RLF: variants seen among roughly 807,000 people sequenced by gnomAD.
The protein encoded by RLF is RLF zinc finger.
RLF carries 7 observed loss-of-function variants against 162.9 expected under a neutral mutation model. That is an observed-to-expected ratio of 0.04 (90% CI 0.02 to 0.08). RLF has a LOEUF of 0.08. Among genes scored for constraint, RLF ranks in the 10% least tolerant of loss-of-function variants. The pLI is 1.00. For synonymous variants in RLF, 782 were observed against 791.5 expected, an observed-to-expected ratio of 0.99 and a Z score of 0.20; for missense variants, 1,664 against 2,244.7, an observed-to-expected ratio of 0.74 and a Z score of 5.23.
chr1:40,238,390 G>C lies in RLF; in HGVS notation c.3688G>C (p.Glu1230Gln). The C allele has an allele frequency of 6.2e-7, 1 of 1,614,192 alleles. No individual in the cohort carries two copies. Among genetic ancestry groups the C allele is most frequent in the Non-Finnish European group, 8.5e-7 (1 of 1,180,024 alleles). The stretch of plus-strand genomic sequence containing the variant: ...TAGGTTGAAAGGTGATTGTTCTGCA[G>C]AACTTGGAGGTGATCCCAGTAGTAA... ...VDRLKGDCSA[E>Q]LGGDPSSNSE... Residue 1230 changes from glutamate (E) to glutamine (Q), a missense_variant, in exon 8 of 8, where the codon GAA (glutamate) becomes CAA (glutamine). Physicochemically the swap from Glu to Gln is conservative, Grantham distance 29 (BLOSUM62 2). Around this residue, in one of 15 missense-constraint regions of RLF, gnomAD observed 102 missense variants for 109.5 expected, o/e 0.93. Coordinates refer to ENST00000372771, the MANE Select transcript of RLF (RefSeq NM_012421.4). This position sits in a 1 kb window ranked among gnomAD's most constrained non-coding sequence, Gnocchi z 5.2.
chr1:40,207,818 C>G (rs1642817005), intron 5 of RLF, among the ~76,000 whole-genome samples: 1 of 152,112 alleles, frequency 6.6e-6, no homozygotes, highest in African/African-American at 2.4e-5. Flanking sequence ...GCCACGTTGC[C>G]CAGGCTGGTC....
intron 1 of RLF, among the ~76,000 whole-genome samples, chr1:40,167,038 A>G (rs190279640): frequency 6.6e-6 from 1 of 152,172 alleles, no homozygotes; most frequent in South Asian, 2.1e-4. Flanking sequence ...AAGGAACAGG[A>G]TAGGAGCTTT....
At chr1:40,197,518 CTT>C in intron 4 of RLF, among the ~76,000 whole-genome samples, 1 of 152,172 alleles carries the variant, frequency 6.6e-6, no homozygotes, top group African/African-American at 2.4e-5. Context: ...GTTAAACATC[CTT>C]AGTGTATTTT....
Position 40,240,492 on chromosome 1 carries a change from A to G in RLF, c.*45A>G. On this transcript the variant is annotated 3_prime_UTR_variant, in exon 8 of 8. Coordinates refer to ENST00000372771, the MANE Select transcript of RLF (RefSeq NM_012421.4). ...AACAGACTGGCTCCAACACTGCAACATGGGGACATTTGCCAACTCGAACAA... is the reference window on the plus strand; with the variant it reads ...AACAGACTGGCTCCAACACTGCAACGTGGGGACATTTGCCAACTCGAACAA... The G allele has an allele frequency of 7.2e-7, 1 of 1,392,230 alleles. No homozygotes were observed. Among genetic ancestry groups the G allele is most frequent in the East Asian group, 2.3e-5 (1 of 43,770 alleles). 86.2% of individuals were successfully genotyped at this position (1,392,230 alleles called of 1,614,324 possible). A position where few individuals can be genotyped will look rare whatever the true frequency, so the allele number is the denominator to read the frequency against.
chr1:40,163,568 G>T (rs1642125562), intron 1 of RLF, among the ~76,000 whole-genome samples: 1 of 152,138 alleles, frequency 6.6e-6, no homozygotes, highest in African/African-American at 2.4e-5. Flanking sequence ...ATTTTTAAAA[G>T]AAAGCATGTG....
chr1:40,192,259 G>A (rs1642569622), intron 3 of RLF, among the ~76,000 whole-genome samples: 1 of 152,064 alleles, frequency 6.6e-6, no homozygotes, highest in South Asian at 2.1e-4. Flanking sequence ...TTTTGTTCTG[G>A]CATATGGCAT....
intron 5 of RLF, among the ~76,000 whole-genome samples, chr1:40,219,956 A>G: frequency 6.6e-6 from 1 of 152,224 alleles, no homozygotes; most frequent in South Asian, 2.1e-4. Flanking sequence ...ATAGAAAAAC[A>G]GAAGTACTGG....
Position 40,238,778 on chromosome 1 carries a change from A to G in RLF, c.4076A>G (p.Lys1359Arg), listed in dbSNP as rs1643250480. The stretch of plus-strand genomic sequence containing the variant: ...ACCAAAAGGGAACTTGTCAAATGTA[A>G]AAAGATATTTGCTTGCAAATATAAG... ...ARTKRELVKCKKIFACKYKEC... is the reference protein window; with the variant it reads ...ARTKRELVKCRKIFACKYKEC... The change falls in exon 8 of 8, where the codon AAA becomes AGA. Residue 1359 changes from lysine (K) to arginine (R), a missense_variant. Transcript: ENST00000372771. This position sits in a 1 kb window ranked among gnomAD's most constrained non-coding sequence, Gnocchi z 5.2. 6.2e-7 allele frequency: 1 copy of G among 1,612,898 alleles called. No homozygotes were observed. Among genetic ancestry groups the G allele is most frequent in the Non-Finnish European group, 8.5e-7 (1 of 1,179,622 alleles).
intron 1 of RLF, among the ~76,000 whole-genome samples, chr1:40,167,127 G>A (rs1453726551): frequency 1.3e-5 from 2 of 152,166 alleles, no homozygotes; most frequent in African/African-American, 2.4e-5. Context: ...CGTGTGCAGT[G>A]AGGAATAGCA....
chr1:40,218,549 A>G (rs1462365612), intron 5 of RLF, among the ~76,000 whole-genome samples: 1 of 152,124 alleles, frequency 6.6e-6, no homozygotes, highest in Non-Finnish European at 1.5e-5. Context: ...CCCTCCTCAC[A>G]TGCCACAATT....
At chr1:40,226,677 T>A (rs141473228) in intron 6 of RLF, among the ~76,000 whole-genome samples, 16 of 152,280 alleles carry the variant, frequency 1.1e-4, no homozygotes, top group South Asian at 2.1e-4. Flanking sequence ...GTAATAGCTT[T>A]AAAAATTTTT....
intron 1 of RLF, among the ~76,000 whole-genome samples, chr1:40,187,013 A>G (rs1052818135): frequency 6.6e-6 from 1 of 152,060 alleles, no homozygotes; most frequent in African/African-American, 2.4e-5. Context: ...CATAGATTTT[A>G]ATAAATTTCT....
intron 4 of RLF, among the ~76,000 whole-genome samples, chr1:40,198,414 C>T (rs995649667): frequency 7.3e-5 from 11 of 151,710 alleles, no homozygotes; most frequent in African/African-American, 2.7e-4. Context: ...AAGTCATTCT[C>T]CTGCCTCAGC....
Position 40,167,007 on chromosome 1 carries a change from A to T in RLF, c.237+5371A>T, listed in dbSNP as rs180779590. 3.9e-3 allele frequency among the ~76,000 whole-genome samples: 595 copies of T among 151,640 alleles called. 2 individuals carry two copies. Among genetic ancestry groups the T allele is most frequent in the African/African-American group, 7.9e-3 (329 of 41,398 alleles). ...ACCCTAGAACTTAAAGTATAATTTT[A>T]AAAAAAAAGAAATTACTATAAAGGA... On this transcript the variant is annotated intron_variant, in intron 1 of 7. Transcript: ENST00000372771.
At chr1:40,201,882 G>T (rs539891612) in intron 4 of RLF, among the ~76,000 whole-genome samples, 25 of 152,200 alleles carry the variant, frequency 1.6e-4, no homozygotes, top group African/African-American at 6.0e-4. Flanking sequence ...TTTCTTTATT[G>T]CAGGACTGTT....
At position 40,239,754 on chromosome 1, in the gene RLF, A is replaced by G. The variant is rs1643266958; in HGVS notation, c.5052A>G (p.Glu1684=). The change falls in exon 8 of 8, where the codon GAA becomes GAG. Residue 1684 remains glutamate, a synonymous_variant. Coordinates refer to ENST00000372771, the MANE Select transcript of RLF (RefSeq NM_012421.4). ...ATAGTTCCAAAACCACTTCCCTAGA[A>G]CAGTGTAATATAGTTCAGCCTCCTC... ...CNHSSKTTSL[E]QCNIVQPPPP... is the part of the protein sequence containing the mutation. 9.9e-6 allele frequency: 16 copies of G among 1,614,202 alleles called. No homozygotes were observed. Among genetic ancestry groups the G allele is most frequent in the East Asian group, 2.2e-5 (1 of 44,884 alleles).
At chr1:40,226,357 G>A (rs1246932297) in intron 6 of RLF, among the ~76,000 whole-genome samples, 2 of 152,048 alleles carry the variant, frequency 1.3e-5, no homozygotes, top group Non-Finnish European at 2.9e-5. Context: ...TATATAGAGA[G>A]GTGTAATTAC....
intron 4 of RLF, among the ~76,000 whole-genome samples, chr1:40,197,165 C>G (rs956740517): frequency 2.6e-5 from 4 of 152,070 alleles, no homozygotes; most frequent in Non-Finnish European, 5.9e-5. Context: ...GGCATAAAGG[C>G]ACTTAGATTT....
At position 40,237,369 on chromosome 1, in the gene RLF, A is replaced by G; in HGVS notation, c.2667A>G (p.Lys889=). Residue 889 remains lysine, a synonymous_variant, in exon 8 of 8, where the codon AAA becomes AAG. Coordinates refer to ENST00000372771, the MANE Select transcript of RLF (RefSeq NM_012421.4). This position sits in a 1 kb window ranked among gnomAD's most constrained non-coding sequence, Gnocchi z 4.4. ...QIDTETAENL[K]ENSDSNSSDQ... ...ATACAGAAACTGCAGAAAACCTGAA[A>G]GAAAACAGTGACAGTAATTCTAGTG... 1 of 1,613,942 alleles carries G rather than the reference A, an allele frequency of 6.2e-7. No individual in the cohort carries two copies. Among genetic ancestry groups the G allele is most frequent in the Non-Finnish European group, 8.5e-7 (1 of 1,179,982 alleles).
Sources: allele counts gnomAD v4.1 joint callset (sites outside exome capture counted in the v4.1 genomes callset), GRCh38; gene constraint gnomAD v4.1.1; regional missense constraint gnomAD v4.1.1; non-coding constraint Gnocchi (gnomAD v3.1); transcripts MANE v1.5; gene names NCBI Gene and HGNC (gene_info 2026-07-23, HGNC 2026-07-21).